PSME3: variants seen among roughly 807,000 people sequenced by gnomAD.
PSME3 encodes the protein proteasome activator complex subunit 3.
A neutral mutation model predicts 38.3 loss-of-function variants in PSME3; 7 were observed. The observed-to-expected ratio is 0.18, with a 90% CI of 0.10 to 0.34. The LOEUF (loss-of-function observed/expected upper bound fraction) is 0.34, where lower values mean the gene tolerates loss of function less well. PSME3 is among the 10% of genes least tolerant of loss of function. The probability of loss-of-function intolerance (pLI) is 1.00; values close to 1 mark genes in which losing one functional copy is unlikely to be tolerated. For missense variants in PSME3, 192 were observed against 307.6 expected (o/e 0.62, Z 2.81); for synonymous variants, 108 against 105.7 (o/e 1.02, Z -0.13).
chr17:42,833,463 C>A lies in PSME3; in HGVS notation c.-169C>A, dbSNP rs11542144. On this transcript the variant is annotated 5_prime_UTR_variant, in exon 1 of 11. Transcript: ENST00000590720. ...AGAGAGCAAGCAGGCAGCAGGCTGC[C>A]GGCGGGCGGGCGGACGGCACAGAGG... 2.7e-3 allele frequency: 1,983 copies of A among 745,832 alleles called. 18 individuals are homozygous for A. The highest frequency in any genetic ancestry group is 0.026 in the African/African-American group (1,484 of 56,602). The allele number at this position is 745,832 out of a possible 1,614,324, so 46.2% of individuals were successfully genotyped here.
At chr17:42,837,531 A>G (rs2055477893) in intron 4 of PSME3, 118 bp from the exon 5 acceptor site, 1 of 1,112,088 alleles carries the variant, frequency 9.0e-7, no homozygotes, top group Admixed American at 1.8e-5. Flanking sequence ...GAAATTGTGC[A>G]GAAATTAATA....
In PSME3 at chr17:42,843,713, G is replaced by A. The variant is rs549283880; in HGVS notation, c.*2135G>A. ...TCAAATTACTTGGAGGGCTGCCTAG[G>A]AATCTATCTCCCTCTGAAATAAAGT... On this transcript the variant is annotated 3_prime_UTR_variant, in exon 11 of 11. Coordinates refer to ENST00000590720, the MANE Select transcript of PSME3 (RefSeq NM_005789.4). 2 of 152,416 alleles carry A rather than the reference G, an allele frequency of 1.3e-5. No individual in the cohort carries two copies. Among genetic ancestry groups the A allele is most frequent in the East Asian group, 3.8e-4 (2 of 5,330 alleles). The allele number at this position is 152,416 out of a possible 1,614,324, so 9.4% of individuals were successfully genotyped here.
chr17:42,837,102 A>C (rs928774908), intron 4 of PSME3, among the ~76,000 whole-genome samples: 1 of 151,896 alleles, frequency 6.6e-6, no homozygotes, highest in African/African-American at 2.4e-5. Flanking sequence ...CCCAGGCTGG[A>C]GTGCAGTGGT....
At chr17:42,833,767 G>A in intron 1 of PSME3, 94 bp downstream of exon 1, 7 of 1,610,744 alleles carry the variant, frequency 4.3e-6, no homozygotes, top group Non-Finnish European at 5.9e-6. Context: ...GTCTCCCTGG[G>A]GATACCAGCT....
intron 1 of PSME3, 78 bp downstream of exon 1, chr17:42,833,751 G>T: frequency 1.2e-6 from 2 of 1,613,112 alleles, no homozygotes; most frequent in Non-Finnish European, 1.7e-6. Context: ...TCCCCATGGC[G>T]TCTTTGTCTC....
chr17:42,833,698 T>G, intron 1 of PSME3, 25 bp downstream of exon 1: 1 of 1,614,236 alleles, frequency 6.2e-7, no homozygotes, highest in Non-Finnish European at 8.5e-7. Flanking sequence ...CCGGCCTTTT[T>G]GCCCCTCGCT....
chr17:42,836,529 G>C (rs986611840), intron 4 of PSME3, among the ~76,000 whole-genome samples: 11 of 152,156 alleles, frequency 7.2e-5, no homozygotes, highest in African/African-American at 2.7e-4. Flanking sequence ...TTCCCAACTA[G>C]AGCGTAATTT....
rs1222383439 is a variant in PSME3 at position 42,842,811 on chromosome 17, C to G, written c.*1233C>G. On this transcript the variant is annotated 3_prime_UTR_variant, in exon 11 of 11. Coordinates refer to ENST00000590720, the MANE Select transcript of PSME3 (RefSeq NM_005789.4). ...GCTTTTGTGTTAATCCCCTTCAGCC[C>G]CTAGCTCTTTTATTCTACCACGGCT... The G allele has an allele frequency of 6.5e-6, 1 of 152,734 alleles. No homozygotes were observed. Among genetic ancestry groups the G allele is most frequent in the Non-Finnish European group, 1.5e-5 (1 of 68,038 alleles). The allele number at this position is 152,734 out of a possible 1,614,324, so 9.5% of individuals were successfully genotyped here. A position where few individuals can be genotyped will look rare whatever the true frequency, so the allele number is the denominator to read the frequency against.
Position 42,842,646 on chromosome 17 carries a change from A to G in PSME3, c.*1068A>G, listed in dbSNP as rs1488381500. On this transcript the variant is annotated 3_prime_UTR_variant, in exon 11 of 11. Coordinates refer to ENST00000590720, the MANE Select transcript of PSME3 (RefSeq NM_005789.4). ...TGTCGGGCTTCCGGGGAAAGCAATC[A>G]TTGGTGTGTATGTGTATGTGCATGC... 3.3e-5 allele frequency: 5 copies of G among 152,852 alleles called. No homozygotes were observed. Among genetic ancestry groups the G allele is most frequent in the Non-Finnish European group, 1.5e-5 (1 of 68,040 alleles). The allele number at this position is 152,852 out of a possible 1,614,324, so 9.5% of individuals were successfully genotyped here. A position where few individuals can be genotyped will look rare whatever the true frequency, so the allele number is the denominator to read the frequency against.
intron 6 of PSME3, among the ~76,000 whole-genome samples, chr17:42,838,489 G>C (rs1264658517): frequency 6.6e-6 from 1 of 152,068 alleles, no homozygotes; most frequent in Non-Finnish European, 1.5e-5. Flanking sequence ...TGTATTTTTA[G>C]TAGAGACGGG....
At chr17:42,835,291 C>T (rs1381267227) in intron 4 of PSME3, among the ~76,000 whole-genome samples, 3 of 152,264 alleles carry the variant, frequency 2.0e-5, no homozygotes, top group East Asian at 3.9e-4. Flanking sequence ...CCCGCCTCAG[C>T]GTCCCAAAGT....
chr17:42,838,181 G>A lies in PSME3; in HGVS notation c.381G>A (p.Arg127=). The A allele has an allele frequency of 4.3e-6, 7 of 1,614,082 alleles. No individual in the cohort carries two copies. The highest frequency in any genetic ancestry group is 5.1e-6 in the Non-Finnish European group (6 of 1,180,040). The part of the protein sequence containing the change: ...DIIEKVKPEI[R]LLIEKCNTVK... ...TTGAGAAAGTGAAACCTGAGATCCG[G>A]CTGTTGATTGAGAAATGTAACACGG... The change falls in exon 6 of 11, where the codon CGG becomes CGA. Residue 127 remains arginine, a synonymous_variant. Transcript: ENST00000590720.
intron 2 of PSME3, 61 bp downstream of exon 2, chr17:42,834,437 GGAGAGAGA>G (rs59492997): frequency 2.7e-4 from 408 of 1,536,664 alleles, no homozygotes; most frequent in East Asian, 6.8e-4. Context: ...GGAGATACCT[GGAGAGAGA>G]GAGAGAGAGA....
chr17:42,839,270 C>T lies in PSME3; in HGVS notation c.598-24C>T, dbSNP rs769501440. The stretch of plus-strand genomic sequence containing the variant: ...GAAACAATTGGGCTTTGGGGACTAG[C>T]TTTTTCCTGTACCCTCCTTGCAGGA... On this transcript the variant is annotated intron_variant, in intron 9 of 10. Coordinates refer to ENST00000590720, the MANE Select transcript of PSME3 (RefSeq NM_005789.4). 5.0e-6 allele frequency: 8 copies of T among 1,602,752 alleles called. No homozygotes were observed. The South Asian group carries it at 7.7e-5, about 15-fold the overall frequency.
At chr17:42,836,270 G>T (rs2055462644) in intron 4 of PSME3, among the ~76,000 whole-genome samples, 1 of 152,076 alleles carries the variant, frequency 6.6e-6, no homozygotes, top group East Asian at 1.9e-4. Flanking sequence ...CTCCCAAAGT[G>T]CTGGGATTAC....
intron 4 of PSME3, 118 bp downstream of exon 4, chr17:42,834,994 C>CT: frequency 2.8e-6 from 4 of 1,410,580 alleles, no homozygotes; most frequent in Non-Finnish European, 3.8e-6. Flanking sequence ...AACTAGGACT[C>CT]TGTTACAGAC....
intron 4 of PSME3, among the ~76,000 whole-genome samples, chr17:42,836,427 C>T (rs1262107306): frequency 6.6e-6 from 1 of 152,176 alleles, no homozygotes. Context: ...CAGATTTGTA[C>T]GTATTCCCTT....
In PSME3 at chr17:42,833,588, A is replaced by C; in HGVS notation, c.-44A>C. ...CTCCGGCCCCCTCCCTGGAGTCCAC[A>C]GCGCCTCCGGTGTCCAGAGGATCGG... On this transcript the variant is annotated 5_prime_UTR_variant, in exon 1 of 11. Coordinates refer to ENST00000590720, the MANE Select transcript of PSME3 (RefSeq NM_005789.4). 1 of 1,613,162 alleles carries C rather than the reference A, an allele frequency of 6.2e-7. No individual in the cohort carries two copies. Among genetic ancestry groups the C allele is most frequent in the Non-Finnish European group, 8.5e-7 (1 of 1,179,324 alleles).
intron 6 of PSME3, 186 bp from the exon 7 acceptor site, chr17:42,838,545 T>A: frequency 1.5e-6 from 1 of 674,540 alleles, no homozygotes; most frequent in Non-Finnish European, 2.5e-6. Context: ...CTCGAACTCC[T>A]GACCTCAGGT....
Sources: gnomAD v4.1 joint callset for allele counts (sites outside exome capture counted in the v4.1 genomes callset) on GRCh38, gnomAD v4.1.1 for gene constraint, MANE v1.5 for transcripts, NCBI Gene and HGNC (gene_info 2026-07-23, HGNC 2026-07-21) for gene names.